The following CIZ1 variants were observed in gnomAD, a reference collection of about 807,000 sequenced individuals.
CIZ1 encodes cip1-interacting zinc finger protein.
CIZ1 carries 58 observed loss-of-function variants against 118.6 expected under a neutral mutation model. The observed-to-expected ratio is 0.49, with a 90% confidence interval of 0.40 to 0.61. The LOEUF is 0.61. Among genes scored for constraint, CIZ1 ranks in the 20% least tolerant of loss-of-function variants. The pLI is 0.00. For missense variants in CIZ1, 921 were observed against 1,115.9 expected, an observed-to-expected ratio of 0.83 and a Z score of 2.49; for synonymous variants, 448 against 443.4, an observed-to-expected ratio of 1.01 and a Z score of -0.13.
upstream of CIZ1, among the ~76,000 whole-genome samples, chr9:128,194,324 T>C (rs1196751318): frequency 2.9e-5 from 4 of 137,398 alleles, no homozygotes; most frequent in Admixed American, 1.6e-4. Flanking sequence ...ATCGTACCAT[T>C]GCACTCCAGC....
intron 1 of CIZ1, among the ~76,000 whole-genome samples, chr9:128,199,396 G>A (rs1833455790): frequency 6.6e-6 from 1 of 151,772 alleles, no homozygotes; most frequent in Non-Finnish European, 1.5e-5. Flanking sequence ...CAGCACAGTT[G>A]GTGGTCAAAA....
At chr9:128,171,433 T>A (rs1176660211) in intron 11 of CIZ1, among the ~76,000 whole-genome samples, 1 of 147,018 alleles carries the variant, frequency 6.8e-6, no homozygotes, top group African/African-American at 2.5e-5. Context: ...TCTCAAAAAA[T>A]AAAATAAAAT....
At chr9:128,193,991 G>A (rs555431455), upstream of CIZ1, among the ~76,000 whole-genome samples, 2 of 152,198 alleles carry the variant, frequency 1.3e-5, no homozygotes, top group Non-Finnish European at 2.9e-5. Flanking sequence ...AATAATGCTT[G>A]TGCTGGTGAA....
chr9:128,181,089 A>G (rs1352091270), intron 5 of CIZ1, among the ~76,000 whole-genome samples: 1 of 150,034 alleles, frequency 6.7e-6, no homozygotes, highest in Non-Finnish European at 1.5e-5. Flanking sequence ...CTGACTTCCC[A>G]CCCAGTTTTA....
intron 10 of CIZ1, among the ~76,000 whole-genome samples, chr9:128,177,186 C>T (rs1286263977): frequency 6.6e-6 from 1 of 152,190 alleles, no homozygotes; most frequent in Admixed American, 6.5e-5. Context: ...CTGTGCCCGA[C>T]CCTAAACTTT....
intron 5 of CIZ1, among the ~76,000 whole-genome samples, chr9:128,181,182 C>T (rs1259749363): frequency 6.6e-6 from 1 of 151,968 alleles, no homozygotes; most frequent in East Asian, 1.9e-4. Flanking sequence ...ATAGCACAAT[C>T]CCGGCTCACT....
intron 1 of CIZ1, among the ~76,000 whole-genome samples, chr9:128,199,198 T>C (rs1411601117): frequency 2.6e-5 from 4 of 152,056 alleles, no homozygotes; most frequent in Admixed American, 6.5e-5. Flanking sequence ...TGAAACCCTG[T>C]CTGTACTAAA....
intron 1 of CIZ1, among the ~76,000 whole-genome samples, chr9:128,198,842 A>G (rs1303086932): frequency 1.3e-5 from 2 of 151,708 alleles, no homozygotes; most frequent in Non-Finnish European, 2.9e-5. Context: ...AAAAAACAAA[A>G]GGGTTTTATT....
intron 1 of CIZ1, among the ~76,000 whole-genome samples, chr9:128,200,860 G>A (rs1833495869): frequency 1.1e-5 from 1 of 88,950 alleles, no homozygotes; most frequent in Non-Finnish European, 2.6e-5. Context: ...AATAGGCTGG[G>A]CACAGTGGCT....
intron 4 of CIZ1, 30 bp from the exon 5 acceptor site, chr9:128,185,806 T>C: frequency 4.7e-6 from 7 of 1,483,576 alleles, no homozygotes; most frequent in Non-Finnish European, 4.7e-6. Flanking sequence ...AGAAGAGGGG[T>C]CACAATGTGG....
At chr9:128,169,567 C>T in intron 12 of CIZ1, 48 bp from the exon 13 acceptor site, 1 of 1,607,146 alleles carries the variant, frequency 6.2e-7, no homozygotes, top group Non-Finnish European at 8.5e-7. Context: ...TGCAAGCCCC[C>T]TGACTAGCAC....
chr9:128,173,960 C>G (rs537063068), intron 11 of CIZ1, among the ~76,000 whole-genome samples: 2 of 151,816 alleles, frequency 1.3e-5, no homozygotes, highest in South Asian at 2.1e-4. Context: ...GAGCCGAGAT[C>G]GCGCCACTGC....
In CIZ1 at chr9:128,191,467, C is replaced by G. The variant is rs1413785059; in HGVS notation, c.-41G>C. 1.0e-6 allele frequency: 1 copy of G among 987,642 alleles called. No individual in the cohort carries two copies. The highest frequency in any genetic ancestry group is 1.2e-6 in the Non-Finnish European group (1 of 829,572). The allele number at this position is 987,642 out of a possible 1,614,324, so 61.2% of individuals were successfully genotyped here. On this transcript the variant is annotated 5_prime_UTR_variant, in exon 1 of 17. Coordinates refer to ENST00000372938, the MANE Select transcript of CIZ1 (RefSeq NM_001131016.2). This position sits in a 1 kb window ranked among gnomAD's most constrained non-coding sequence, Gnocchi z 5.5. Reference sequence around the variant, plus strand: ...CGCGCGCCCTCAACGCTCAAGTCGCCCCCACGGATGGGCCGGCCCCGCAGC... The same window carrying G: ...CGCGCGCCCTCAACGCTCAAGTCGCGCCCACGGATGGGCCGGCCCCGCAGC...
Position 128,203,759 on chromosome 9 carries a change from C to A in CIZ1, c.-6+427G>T. ...GCACCCGCGGCCGGCGCGCCCCCCA[C>A]CCCCAGCCGGAGCGAGGAGGCCCTC... is the stretch of plus-strand genomic sequence containing the variant. On this transcript the variant is annotated intron_variant, in intron 1 of 17. Transcript: ENST00000372948. This position sits in a 1 kb window ranked among gnomAD's most constrained non-coding sequence, Gnocchi z 5.3. The A allele has an allele frequency of 1.1e-6, 1 of 872,202 alleles. No individual in the cohort carries two copies. The highest frequency in any genetic ancestry group is 1.5e-6 in the Non-Finnish European group (1 of 665,172). 54.0% of individuals were successfully genotyped at this position (872,202 alleles called of 1,614,324 possible).
In CIZ1 at chr9:128,191,202, C is replaced by T. The variant is rs1833099744; in HGVS notation, c.-6+230G>A. 1 of 379,678 alleles carries T rather than the reference C, an allele frequency of 2.6e-6. No individual in the cohort carries two copies. Among genetic ancestry groups the T allele is most frequent in the Non-Finnish European group, 4.8e-6 (1 of 210,320 alleles). The allele number at this position is 379,678 out of a possible 1,614,324, so 23.5% of individuals were successfully genotyped here. ...TCTCTGCGCCCATCACTTCCTCACTCACAGCCCCTTTTCAATACCGCAACC... is the reference window on the plus strand; with the variant it reads ...TCTCTGCGCCCATCACTTCCTCACTTACAGCCCCTTTTCAATACCGCAACC... On this transcript the variant is annotated intron_variant, in intron 1 of 16. Transcript: ENST00000372938. The surrounding 1 kb of genome is among the most constrained non-coding windows in gnomAD (Gnocchi z 5.5).
chr9:128,181,566 C>A (rs926950868), intron 5 of CIZ1, among the ~76,000 whole-genome samples: 3 of 152,156 alleles, frequency 2.0e-5, no homozygotes, highest in Admixed American at 1.3e-4. Flanking sequence ...GAGATAGGAG[C>A]TGAGGGGACA....
Position 128,170,011 on chromosome 9 carries a change from C to G in CIZ1, c.2031+9G>C. The G allele has an allele frequency of 6.2e-7, 1 of 1,610,756 alleles. No homozygotes were observed. The highest frequency in any genetic ancestry group is 8.5e-7 in the Non-Finnish European group (1 of 1,178,626). Reference sequence around the variant, plus strand: ...TGCGGGTGCCTCTGCAGCGTGCAGGCCCTCCTACCTTGTGGTCCTGTGTCC... The same window carrying G: ...TGCGGGTGCCTCTGCAGCGTGCAGGGCCTCCTACCTTGTGGTCCTGTGTCC... On this transcript the variant is annotated intron_variant, in intron 12 of 16. Transcript: ENST00000372938.
Position 128,191,468 on chromosome 9 carries a change from C to T in CIZ1, c.-42G>A. The stretch of plus-strand genomic sequence containing the variant: ...GCGCGCCCTCAACGCTCAAGTCGCC[C>T]CCACGGATGGGCCGGCCCCGCAGCC... On this transcript the variant is annotated 5_prime_UTR_variant, in exon 1 of 17. Coordinates refer to ENST00000372938, the MANE Select transcript of CIZ1 (RefSeq NM_001131016.2). This position sits in a 1 kb window ranked among gnomAD's most constrained non-coding sequence, Gnocchi z 5.5. The T allele has an allele frequency of 1.0e-6, 1 of 988,086 alleles. No individual in the cohort carries two copies. Among genetic ancestry groups the T allele is most frequent in the Non-Finnish European group, 1.2e-6 (1 of 829,908 alleles). 61.2% of individuals were successfully genotyped at this position (988,086 alleles called of 1,614,324 possible). A position where few individuals can be genotyped will look rare whatever the true frequency, so the allele number is the denominator to read the frequency against.
chr9:128,178,959 T>TGGGGGCTGTGAATGTGCC lies in CIZ1; in HGVS notation c.1230_1247dup (p.Ala411_Pro416dup). 1 of 1,613,418 alleles carries TGGGGGCTGTGAATGTGCC rather than the reference T, an allele frequency of 6.2e-7. No individual in the cohort carries two copies. On this transcript the variant is annotated inframe_insertion, in exon 8 of 17. Coordinates refer to ENST00000372938, the MANE Select transcript of CIZ1 (RefSeq NM_001131016.2). ...TCTGCAGCTGCAGCTGCACCTGCCTTGGGGGCTGTGAATGTGCCTGGGGCT... is the reference window on the plus strand; with the variant it reads ...TCTGCAGCTGCAGCTGCACCTGCCTTGGGGGCTGTGAATGTGCCGGGGGCTGTGAATGTGCCTGGGGCT...
Sources: allele counts gnomAD v4.1 joint callset (sites outside exome capture counted in the v4.1 genomes callset), GRCh38; gene constraint gnomAD v4.1.1; non-coding constraint Gnocchi (gnomAD v3.1); transcripts MANE v1.5; gene names NCBI Gene and HGNC (gene_info 2026-07-23, HGNC 2026-07-21).